The following CPO variants were observed in gnomAD, a reference collection of about 807,000 sequenced individuals.
The protein encoded by CPO is carboxypeptidase O, also known as metallocarboxypeptidase C.
In CPO, 43 loss-of-function variants were observed where a neutral mutation model predicts 41.2. The ratio of observed to expected loss-of-function variants is 1.04; its 90% confidence interval spans 0.82 to 1.35. CPO has a LOEUF of 1.35. Ranked by LOEUF, CPO falls within the 40% of genes most tolerant of loss-of-function variation. The pLI is 0.00. For synonymous variants in CPO, 178 were observed against 162.7 expected, an observed-to-expected ratio of 1.09 and a Z score of -0.72; for missense variants, 408 against 451.7, an observed-to-expected ratio of 0.90 and a Z score of 0.88.
At chr2:206,951,604 G>A (rs1314539185) in intron 2 of CPO, among the ~76,000 whole-genome samples, 1 of 152,140 alleles carries the variant, frequency 6.6e-6, no homozygotes, top group Non-Finnish European at 1.5e-5. Flanking sequence ...CCAAAGTACT[G>A]AAAGTTCTAC....
At chr2:206,960,526 T>C (rs1693458958) in intron 5 of CPO, among the ~76,000 whole-genome samples, 1 of 152,210 alleles carries the variant, frequency 6.6e-6, no homozygotes, top group Non-Finnish European at 1.5e-5. Context: ...ATGTAGAAAA[T>C]GACTCCAAAG....
chr2:206,941,657 A>G (rs1574343738), intron 1 of CPO, among the ~76,000 whole-genome samples: 1 of 152,172 alleles, frequency 6.6e-6, no homozygotes, highest in African/African-American at 2.4e-5. Context: ...GTTTTTATTT[A>G]AATTATTAGT....
intron 5 of CPO, 66 bp from the exon 6 acceptor site, chr2:206,960,786 A>G (rs1693464091): frequency 5.4e-6 from 6 of 1,111,814 alleles, no homozygotes; most frequent in African/African-American, 3.1e-5. Context: ...AGGACCACCT[A>G]TCATCACTAA....
At chr2:206,948,969 G>A (rs1213145865) in intron 1 of CPO, among the ~76,000 whole-genome samples, 1 of 151,804 alleles carries the variant, frequency 6.6e-6, no homozygotes, top group Non-Finnish European at 1.5e-5. Flanking sequence ...GCATGTGTGA[G>A]AATAGCAGGT....
rs147968103 is a variant in CPO, at chr2:206,957,245, A to G, written c.268-1056A>G. Reference sequence around the variant, plus strand: ...AAATACATTAGCTGGGCGTGGTGGCATGTGCCTGTAGTCCCAGCTACTTGG... The same window carrying G: ...AAATACATTAGCTGGGCGTGGTGGCGTGTGCCTGTAGTCCCAGCTACTTGG... On this transcript the variant is annotated intron_variant, in intron 3 of 8. Transcript: ENST00000272852. Among the ~76,000 whole-genome samples, 393 of 152,036 alleles carry G rather than the reference A, an allele frequency of 2.6e-3. 3 individuals carry two copies. Among genetic ancestry groups the G allele is most frequent in the African/African-American group, 9.1e-3 (377 of 41,466 alleles).
At chr2:206,944,123 A>C (rs1693096855) in intron 1 of CPO, among the ~76,000 whole-genome samples, 1 of 152,030 alleles carries the variant, frequency 6.6e-6, no homozygotes, top group Non-Finnish European at 1.5e-5. Context: ...AAGAATATAT[A>C]CCCACTGGGT....
intron 5 of CPO, among the ~76,000 whole-genome samples, chr2:206,960,462 G>A (rs1439651898): frequency 6.6e-6 from 1 of 152,150 alleles, no homozygotes; most frequent in Non-Finnish European, 1.5e-5. Flanking sequence ...GACACACCTG[G>A]AATGGTCTTT....
intron 2 of CPO, 149 bp from the exon 3 acceptor site, chr2:206,955,314 T>C (rs1297977534): frequency 1.6e-6 from 1 of 633,488 alleles, no homozygotes; most frequent in Non-Finnish European, 2.9e-6. Context: ...AGATGGGAGG[T>C]TGTTTTCTGT....
intron 6 of CPO, among the ~76,000 whole-genome samples, chr2:206,961,989 A>G (rs374157808): frequency 6.6e-6 from 1 of 151,420 alleles, no homozygotes; most frequent in Non-Finnish European, 1.5e-5. Flanking sequence ...AGTCCCAGCT[A>G]CTGGGGAGGC....
chr2:206,939,897 A>G (rs1574343008), intron 1 of CPO, among the ~76,000 whole-genome samples: 1 of 152,140 alleles, frequency 6.6e-6, no homozygotes, highest in Non-Finnish European at 1.5e-5. Flanking sequence ...AACACAATGC[A>G]TGAGATATAC....
At chr2:206,943,784 AG>A (rs1693089710) in intron 1 of CPO, among the ~76,000 whole-genome samples, 1 of 125,970 alleles carries the variant, frequency 7.9e-6, no homozygotes, top group Non-Finnish European at 1.9e-5. Flanking sequence ...ATAGATGATA[AG>A]CAGATAGATG....
chr2:206,943,728 TGATAGATAGATA>T (rs68125401), intron 1 of CPO, among the ~76,000 whole-genome samples: 5,684 of 123,548 alleles, frequency 0.046, 152 homozygotes, highest in Admixed American at 0.074. Flanking sequence ...GATGGATAGA[TGATAGATAGATA>T]GATAGATAGA....
chr2:206,966,432 T>G (rs1367200211), intron 7 of CPO, among the ~76,000 whole-genome samples: 1 of 151,862 alleles, frequency 6.6e-6, no homozygotes, highest in Non-Finnish European at 1.5e-5. Flanking sequence ...CAGAAGGGAG[T>G]GTGGTTGGTA....
intron 2 of CPO, among the ~76,000 whole-genome samples, chr2:206,951,101 CA>C (rs35662717): frequency 1.7e-4 from 25 of 151,170 alleles, no homozygotes; most frequent in Non-Finnish European, 3.1e-4. Flanking sequence ...GGGGTGGAAC[CA>C]AAAAAAATTA....
rs931838822 is a variant in CPO at position 206,950,675 on chromosome 2, C to G, written c.165+962C>G. ...TCACAATAGCAGACTTGGAACCAAC[C>G]AAATGTCCATCAATGATAGATTGCA... On this transcript the variant is annotated intron_variant, in intron 2 of 8. Transcript: ENST00000272852. 6.6e-5 allele frequency among the ~76,000 whole-genome samples: 10 copies of G among 152,216 alleles called. No individual in the cohort carries two copies. In the East Asian group the frequency reaches 1.9e-3, roughly 29 times the overall value.
chr2:206,958,888 T>C (rs1161708802), intron 4 of CPO, among the ~76,000 whole-genome samples: 1 of 151,794 alleles, frequency 6.6e-6, no homozygotes, highest in African/African-American at 2.4e-5. Flanking sequence ...ATTACAGGCA[T>C]GCACCACCAT....
intron 4 of CPO, 142 bp downstream of exon 4, chr2:206,958,547 A>C (rs1693416446): frequency 2.0e-6 from 1 of 490,688 alleles, no homozygotes; most frequent in Admixed American, 4.0e-5. Context: ...AAGTGAAATA[A>C]AATTAATGAG....
At chr2:206,951,119 A>G (rs1369088679) in intron 2 of CPO, among the ~76,000 whole-genome samples, 2 of 152,122 alleles carry the variant, frequency 1.3e-5, no homozygotes, top group East Asian at 3.9e-4. Flanking sequence ...ATTATCTTGC[A>G]TGTACCTTTT....
At chr2:206,949,473 G>T in intron 1 of CPO, 144 bp from the exon 2 acceptor site, 1 of 576,266 alleles carries the variant, frequency 1.7e-6, no homozygotes, top group South Asian at 2.4e-5. Flanking sequence ...TAATTAGTAA[G>T]TCACAGAGCC....
Sources: gnomAD v4.1 joint callset for allele counts (sites outside exome capture counted in the v4.1 genomes callset) on GRCh38, gnomAD v4.1.1 for gene constraint, MANE v1.5 for transcripts, NCBI Gene and HGNC (gene_info 2026-07-23, HGNC 2026-07-21) for gene names.